The following FOXN3 variants were observed in gnomAD, a reference collection of about 807,000 sequenced individuals.
FOXN3 encodes forkhead box protein N3.
Under a neutral mutation model 38.4 loss-of-function variants are expected in FOXN3, and 7 were observed. The ratio of observed to expected loss-of-function variants is 0.18; its 90% CI spans 0.10 to 0.34. The LOEUF is 0.34. FOXN3 is among the 10% of genes least tolerant of loss of function. The pLI is 1.00. For missense variants in FOXN3, 456 were observed against 613.4 expected (o/e 0.74, Z 2.71); for synonymous variants, 230 against 242.2 (o/e 0.95, Z 0.47).
At chr14:89,419,483 C>G, upstream of FOXN3, 1 of 294,706 alleles carries the variant, frequency 3.4e-6, no homozygotes, top group South Asian at 3.1e-5. Flanking sequence ...GCTGCATTGT[C>G]TAATGTCTTG....
At chr14:89,224,901 C>A (rs981743029) in intron 4 of FOXN3, among the ~76,000 whole-genome samples, 1 of 151,956 alleles carries the variant, frequency 6.6e-6, no homozygotes, top group Non-Finnish European at 1.5e-5. Flanking sequence ...GAGGCCGAGG[C>A]GGGCGGATCA....
intron 1 of FOXN3, among the ~76,000 whole-genome samples, chr14:89,514,534 C>A (rs1566682600): frequency 6.6e-6 from 1 of 152,196 alleles, no homozygotes; most frequent in Admixed American, 6.5e-5. Context: ...TAGACACAGA[C>A]ATCATCTACC....
At chr14:89,553,796 T>C (rs1327072634) in intron 1 of FOXN3, among the ~76,000 whole-genome samples, 3 of 152,200 alleles carry the variant, frequency 2.0e-5, no homozygotes, top group African/African-American at 7.2e-5. Context: ...CAGTCAGGAC[T>C]TTTTGGTTCA....
Position 89,446,925 on chromosome 14 carries a change from G to A in FOXN3, c.-14-34435C>T, listed in dbSNP as rs185076138. On this transcript the variant is annotated intron_variant, in intron 1 of 6. Transcript: ENST00000345097. ...TAAAATGAATTCCTGGGCCGGGCAC[G>A]GTGGCTCATGCCTGTAATTCCAGCA... 1.5e-3 allele frequency among the ~76,000 whole-genome samples: 221 copies of A among 152,250 alleles called. 1 individual carries two copies. Among genetic ancestry groups the A allele is most frequent in the African/African-American group, 5.1e-3 (213 of 41,562 alleles).
At chr14:89,433,964 G>A (rs1384655073) in intron 1 of FOXN3, among the ~76,000 whole-genome samples, 5 of 132,420 alleles carry the variant, frequency 3.8e-5, no homozygotes, top group East Asian at 2.2e-4. Context: ...CACTCTTGTC[G>A]CCCAGGCTGG....
At chr14:89,384,779 T>C (rs1460720936) in intron 2 of FOXN3, among the ~76,000 whole-genome samples, 4 of 152,174 alleles carry the variant, frequency 2.6e-5, no homozygotes, top group Non-Finnish European at 4.4e-5. Flanking sequence ...GAGGCGATGA[T>C]GGCTGTCAAA....
At chr14:89,454,685 C>T (rs145913394) in intron 1 of FOXN3, among the ~76,000 whole-genome samples, 12 of 152,262 alleles carry the variant, frequency 7.9e-5, no homozygotes, top group Admixed American at 2.0e-4. Context: ...TTTAAAAGAA[C>T]GAGGTAAACT....
In FOXN3 at chr14:89,205,763, C is replaced by T. The variant is rs187526996; in HGVS notation, c.746-24957G>A. On this transcript the variant is annotated intron_variant, in intron 4 of 5. Transcript: ENST00000557258. ...AGAGCGCCCTGTAACACACGCCCAC[C>T]GGGGCTTCGGGAGCTGTAAACACTC... Among the ~76,000 whole-genome samples the T allele has an allele frequency of 3.0e-3, 456 of 152,340 alleles. 1 individual carries two copies. Among genetic ancestry groups the T allele is most frequent in the African/African-American group, 0.01 (422 of 41,588 alleles).
chr14:89,584,810 T>C (rs1321189361), intron 1 of FOXN3, among the ~76,000 whole-genome samples: 1 of 152,118 alleles, frequency 6.6e-6, no homozygotes, highest in East Asian at 1.9e-4. Flanking sequence ...CCTCCCGGGT[T>C]CAAACAATTC....
chr14:89,553,814 G>A (rs76970421), intron 1 of FOXN3, among the ~76,000 whole-genome samples: 4,277 of 152,198 alleles, frequency 0.028, 91 homozygotes, highest in South Asian at 0.086. Flanking sequence ...TCATCAGAAC[G>A]GTGAAAATAA....
At chr14:89,247,265 T>G (rs897878536) in intron 4 of FOXN3, among the ~76,000 whole-genome samples, 12 of 152,170 alleles carry the variant, frequency 7.9e-5, no homozygotes, top group African/African-American at 2.7e-4. Flanking sequence ...AACATGACAA[T>G]TATCCTTTTT....
At chr14:89,542,628 G>A (rs974202102) in intron 1 of FOXN3, among the ~76,000 whole-genome samples, 2 of 152,284 alleles carry the variant, frequency 1.3e-5, no homozygotes, top group Non-Finnish European at 2.9e-5. Context: ...GAAAAAGTGG[G>A]GCTGATGAGA....
At chr14:89,359,965 T>G (rs192749628) in intron 2 of FOXN3, among the ~76,000 whole-genome samples, 1 of 152,164 alleles carries the variant, frequency 6.6e-6, no homozygotes, top group Non-Finnish European at 1.5e-5. Flanking sequence ...CAAAAGATAC[T>G]TGTAACTTTA....
At chr14:89,441,847 G>A (rs1393196854) in intron 1 of FOXN3, among the ~76,000 whole-genome samples, 1 of 152,008 alleles carries the variant, frequency 6.6e-6, no homozygotes, top group Non-Finnish European at 1.5e-5. Context: ...CAGCACACTG[G>A]CAGCATTAAC....
rs75534470 is a variant in FOXN3, at chr14:89,473,382, C to CT, written c.-14-60893dup. ...GATATGGAAGATTTACTCCACAACG[C>CT]TTTTTTTTTTTTTTCCTTTTGCTCA... On this transcript the variant is annotated intron_variant, in intron 1 of 6. Transcript: ENST00000345097. 2.4e-3 allele frequency among the ~76,000 whole-genome samples: 328 copies of CT among 137,928 alleles called. 2 individuals are homozygous for CT. The highest frequency in any genetic ancestry group is 8.2e-3 in the Middle Eastern group (2 of 244). The allele number at this position is 137,928 out of a possible 152,430, so 90.5% of individuals were successfully genotyped here. A position where few individuals can be genotyped will look rare whatever the true frequency, so the allele number is the denominator to read the frequency against.
chr14:89,586,994 T>C (rs1031421321), intron 1 of FOXN3, among the ~76,000 whole-genome samples: 2 of 152,190 alleles, frequency 1.3e-5, no homozygotes, highest in Non-Finnish European at 2.9e-5. Context: ...TGTACAGACA[T>C]TTATAGAGAT....
At chr14:89,593,608 G>A (rs1227630660) in intron 1 of FOXN3, among the ~76,000 whole-genome samples, 1 of 152,174 alleles carries the variant, frequency 6.6e-6, no homozygotes, top group Non-Finnish European at 1.5e-5. Context: ...ATTTTAAATT[G>A]ATTAAAAGTG....
intron 1 of FOXN3, among the ~76,000 whole-genome samples, chr14:89,564,846 A>G (rs558551345): frequency 5.3e-5 from 8 of 152,136 alleles, no homozygotes; most frequent in Middle Eastern, 3.4e-3. Context: ...TAATCCCAAT[A>G]CTTTAGGAGG....
At chr14:89,292,354 C>T (rs187707671) in intron 3 of FOXN3, among the ~76,000 whole-genome samples, 12 of 152,296 alleles carry the variant, frequency 7.9e-5, no homozygotes, top group Admixed American at 2.6e-4. Flanking sequence ...GAGCTGGCAC[C>T]GACAGCGCAG....
Sources: allele counts gnomAD v4.1 joint callset (sites outside exome capture counted in the v4.1 genomes callset), GRCh38; gene constraint gnomAD v4.1.1; transcripts MANE v1.5; gene names NCBI Gene and HGNC (gene_info 2026-07-23, HGNC 2026-07-21).